Variants in ASXL1 observed in about 807,000 individuals in gnomAD.
ASXL1 encodes polycomb group protein ASXL1.
ASXL1 carries 65 observed loss-of-function variants against 89.1 expected under a neutral mutation model. The ratio of observed to expected loss-of-function variants is 0.73; its 90% CI spans 0.60 to 0.90. ASXL1 has a LOEUF of 0.90. Ranked by LOEUF, ASXL1 falls within the 40% of genes least tolerant of loss-of-function variation. The pLI is 0.00. For synonymous variants in ASXL1, 739 were observed against 746.9 expected (o/e 0.99, Z 0.17); for missense variants, 1,786 against 1,942.9 (o/e 0.92, Z 1.52).
At chr20:32,378,158 T>TTGTGTGTGTGTGTGTGTGTGTGTG (rs142792019) in intron 4 of ASXL1, among the ~76,000 whole-genome samples, 24 of 130,314 alleles carry the variant, frequency 1.8e-4, no homozygotes, top group African/African-American at 6.7e-4. Flanking sequence ...GCTGAGTAAT[T>TTGTGTGTGTGTGTGTGTGTGTGTG]TGTGTGTGTG....
intron 4 of ASXL1, among the ~76,000 whole-genome samples, chr20:32,426,053 T>A (rs2011272269): frequency 6.6e-6 from 1 of 152,232 alleles, no homozygotes; most frequent in Admixed American, 6.5e-5. Context: ...GTTATGTAAG[T>A]TGCAGATATC....
chr20:32,360,066 CAA>C (rs3215635), intron 1 of ASXL1: 11,000 of 325,172 alleles, frequency 0.034, no homozygotes, highest in East Asian at 0.081. Context: ...AGGTGTTGTG[CAA>C]AAAAAAAAAA....
At chr20:32,382,938 T>C (rs1315750996) in intron 4 of ASXL1, among the ~76,000 whole-genome samples, 1 of 152,216 alleles carries the variant, frequency 6.6e-6, no homozygotes, top group Non-Finnish European at 1.5e-5. Context: ...TCAAGTTATC[T>C]AATTTACTGT....
chr20:32,379,927 A>C (rs1004088018), intron 4 of ASXL1, among the ~76,000 whole-genome samples: 5 of 150,594 alleles, frequency 3.3e-5, no homozygotes, highest in Non-Finnish European at 7.4e-5. Flanking sequence ...TTTTTCAGTT[A>C]AGTTCAGTTG....
At chr20:32,419,592 C>T (rs2049202602) in intron 4 of ASXL1, among the ~76,000 whole-genome samples, 1 of 151,744 alleles carries the variant, frequency 6.6e-6, no homozygotes, top group African/African-American at 2.4e-5. Context: ...CCCTGGGTAA[C>T]TTACGTTCGT....
chr20:32,362,783 C>A (rs145646506), intron 1 of ASXL1, among the ~76,000 whole-genome samples: 27 of 152,288 alleles, frequency 1.8e-4, no homozygotes, highest in African/African-American at 6.5e-4. Flanking sequence ...TTCTTTCACA[C>A]ATTTTGTAGT....
intron 4 of ASXL1, among the ~76,000 whole-genome samples, chr20:32,394,317 T>C (rs1287554313): frequency 6.6e-6 from 1 of 152,078 alleles, no homozygotes; most frequent in African/African-American, 2.4e-5. Context: ...TTTGTATTTT[T>C]AGTAGAGATG....
At chr20:32,360,065 G>C in intron 1 of ASXL1, 1 of 376,748 alleles carries the variant, frequency 2.7e-6, no homozygotes, top group Non-Finnish European at 4.7e-6. Flanking sequence ...AAGGTGTTGT[G>C]CAAAAAAAAA....
At chr20:32,387,374 A>G (rs944647573) in intron 4 of ASXL1, among the ~76,000 whole-genome samples, 1 of 152,184 alleles carries the variant, frequency 6.6e-6, no homozygotes, top group East Asian at 1.9e-4. Flanking sequence ...CTTTCACATC[A>G]TAGCCTTACT....
At chr20:32,426,655 G>A (rs1349698817) in intron 4 of ASXL1, among the ~76,000 whole-genome samples, 2 of 146,616 alleles carry the variant, frequency 1.4e-5, no homozygotes, top group Non-Finnish European at 3.0e-5. Flanking sequence ...CACCTCCTGG[G>A]TTCAAGTGAT....
At chr20:32,365,694 G>T (rs182043772) in intron 1 of ASXL1, among the ~76,000 whole-genome samples, 153 of 152,316 alleles carry the variant, frequency 1.0e-3, no homozygotes, top group African/African-American at 3.5e-3. Context: ...ATACTGCCAT[G>T]ACTTGGTTAT....
chr20:32,387,819 T>A (rs1194379960), intron 4 of ASXL1, among the ~76,000 whole-genome samples: 1 of 152,240 alleles, frequency 6.6e-6, no homozygotes, highest in Non-Finnish European at 1.5e-5. Flanking sequence ...TTCAGTTACC[T>A]CCTCAGTATC....
At chr20:32,416,279 C>G (rs2049136674) in intron 4 of ASXL1, among the ~76,000 whole-genome samples, 1 of 152,092 alleles carries the variant, frequency 6.6e-6, no homozygotes, top group Non-Finnish European at 1.5e-5. Context: ...TTCTATTTAA[C>G]TGTAATTTTA....
At chr20:32,385,272 G>A (rs2048560157) in intron 4 of ASXL1, among the ~76,000 whole-genome samples, 1 of 152,194 alleles carries the variant, frequency 6.6e-6, no homozygotes, top group South Asian at 2.1e-4. Context: ...AACACTTTTG[G>A]TTCAGAGATT....
chr20:32,399,472 G>A (rs2048830859), intron 4 of ASXL1, among the ~76,000 whole-genome samples: 1 of 147,328 alleles, frequency 6.8e-6, no homozygotes, highest in Non-Finnish European at 1.5e-5. Flanking sequence ...TGGATATGTC[G>A]GTTTATAGCT....
intron 11 of ASXL1, 28 bp downstream of exon 11, chr20:32,433,013 G>A (rs1234817083): frequency 6.2e-7 from 1 of 1,612,086 alleles, no homozygotes; most frequent in Non-Finnish European, 8.5e-7. Flanking sequence ...ATGAGTCCTG[G>A]TCTGGGGTTT....
intron 1 of ASXL1, chr20:32,359,450 C>G: frequency 1.4e-6 from 1 of 697,488 alleles, no homozygotes. Context: ...CTCCTAGGGC[C>G]CTTCGTAAGA....
chr20:32,391,235 A>G (rs185517747), intron 4 of ASXL1, among the ~76,000 whole-genome samples: 2 of 152,196 alleles, frequency 1.3e-5, no homozygotes. Context: ...CATTGTATAG[A>G]TGTACCACAT....
chr20:32,433,129 A>T, intron 11 of ASXL1, 144 bp downstream of exon 11: 1 of 1,530,336 alleles, frequency 6.5e-7, no homozygotes. Flanking sequence ...TGCCATTCAT[A>T]GTGAAGCTAA....
Sources: allele counts gnomAD v4.1 joint callset (sites outside exome capture counted in the v4.1 genomes callset), GRCh38; gene constraint gnomAD v4.1.1; transcripts MANE v1.5; gene names NCBI Gene and HGNC (gene_info 2026-07-23, HGNC 2026-07-21).